CCDC169: variants seen among roughly 807,000 people sequenced by gnomAD.
CCDC169 encodes coiled-coil domain-containing protein 169.
Under a neutral mutation model 36.0 loss-of-function variants are expected in CCDC169, and 30 were observed. That is an observed-to-expected ratio of 0.83 (90% CI 0.62 to 1.13). CCDC169 has a LOEUF of 1.13. Ranked by LOEUF, CCDC169 falls within the 50% of genes most tolerant of loss-of-function variation. The pLI, the probability that CCDC169 is intolerant of heterozygous loss-of-function variation, is 0.00. For missense variants in CCDC169, 245 were observed against 245.9 expected (o/e 1.00, Z 0.03); for synonymous variants, 85 against 81.5 (o/e 1.04, Z -0.23).
intron 6 of CCDC169, 146 bp downstream of exon 6, chr13:36,253,657 G>T: frequency 1.1e-6 from 1 of 940,052 alleles, no homozygotes; most frequent in Non-Finnish European, 1.5e-6. Context: ...TATACAAGTT[G>T]TATATTTTCC....
At chr13:36,257,032 G>A (rs1873972774) in intron 4 of CCDC169, among the ~76,000 whole-genome samples, 1 of 152,196 alleles carries the variant, frequency 6.6e-6, no homozygotes, top group Admixed American at 6.5e-5. Context: ...TGGCCTGTGG[G>A]CCACAGCTGA....
downstream of CCDC169, chr13:36,227,475 T>TACACACACACACAC: frequency 1.8e-6 from 2 of 1,142,810 alleles, no homozygotes; most frequent in Non-Finnish European, 2.3e-6. Context: ...ATTGTATTTT[T>TACACACACACACAC]ACACACACAC....
At chr13:36,226,686 C>T (rs1869894363), downstream of CCDC169, 1 of 155,168 alleles carries the variant, frequency 6.4e-6, no homozygotes, top group Admixed American at 6.5e-5. Context: ...TGCAAATTAA[C>T]ACAGAAGCAG....
chr13:36,253,322 A>G (rs1873403219), intron 6 of CCDC169, among the ~76,000 whole-genome samples: 1 of 149,364 alleles, frequency 6.7e-6, no homozygotes, highest in Non-Finnish European at 1.5e-5. Flanking sequence ...AATTTGGAAA[A>G]CTGTTATGTC....
intron 7 of CCDC169, chr13:36,240,690 A>G: frequency 9.1e-7 from 1 of 1,097,480 alleles, no homozygotes; most frequent in Admixed American, 2.5e-5. Flanking sequence ...GAAAAAAATG[A>G]GGTTTCACAC....
intron 6 of CCDC169, 87 bp from the exon 7 acceptor site, chr13:36,248,769 C>A: frequency 8.1e-7 from 1 of 1,236,970 alleles, no homozygotes; most frequent in African/African-American, 1.5e-5. Context: ...AATTAACTCT[C>A]CCATAACCAG....
intron 4 of CCDC169, among the ~76,000 whole-genome samples, chr13:36,270,070 G>A (rs1196065189): frequency 2.0e-5 from 3 of 152,166 alleles, no homozygotes; most frequent in African/African-American, 7.2e-5. Context: ...AACAAATTGA[G>A]TAAAGTCTCA....
intron 4 of CCDC169, among the ~76,000 whole-genome samples, chr13:36,258,123 G>A (rs373172109): frequency 6.6e-6 from 1 of 152,180 alleles, no homozygotes; most frequent in African/African-American, 2.4e-5. Flanking sequence ...ATGATCTTCA[G>A]TGTTGGTGGT....
intron 1 of CCDC169, 47 bp from the exon 2 acceptor site, chr13:36,295,904 C>G: frequency 8.9e-7 from 1 of 1,122,784 alleles, no homozygotes; most frequent in Non-Finnish European, 1.3e-6. Context: ...TTAAAAATAA[C>G]ATCAGAAAAA....
At chr13:36,292,849 C>T (rs1178407932) in intron 2 of CCDC169, among the ~76,000 whole-genome samples, 1 of 151,986 alleles carries the variant, frequency 6.6e-6, no homozygotes, top group Non-Finnish European at 1.5e-5. Context: ...GCCATCACTA[C>T]AGTGATATCC....
At chr13:36,243,879 T>G (rs534367790) in intron 7 of CCDC169, among the ~76,000 whole-genome samples, 3 of 152,268 alleles carry the variant, frequency 2.0e-5, no homozygotes, top group Non-Finnish European at 4.4e-5. Context: ...CCCTGAGAGA[T>G]CCAACTCCCA....
intron 4 of CCDC169, among the ~76,000 whole-genome samples, chr13:36,259,496 GA>G (rs1212203132): frequency 2.6e-5 from 4 of 152,218 alleles, no homozygotes; most frequent in South Asian, 2.1e-4. Context: ...AGTGGCTCAA[GA>G]GGTCTGAGTA....
intron 4 of CCDC169, among the ~76,000 whole-genome samples, chr13:36,279,902 T>C (rs1337172401): frequency 6.6e-6 from 1 of 152,194 alleles, no homozygotes; most frequent in East Asian, 1.9e-4. Flanking sequence ...CACTTTGCAC[T>C]GAAAGACACA....
At chr13:36,274,867 C>A (rs1348981542) in intron 4 of CCDC169, among the ~76,000 whole-genome samples, 3 of 80,154 alleles carry the variant, frequency 3.7e-5, no homozygotes, top group Admixed American at 1.7e-4. Context: ...CCATTAGCTG[C>A]ATTTTTTTTT....
chr13:36,290,813 G>A (rs899445204), intron 2 of CCDC169, among the ~76,000 whole-genome samples: 11 of 152,020 alleles, frequency 7.2e-5, no homozygotes, highest in East Asian at 1.9e-4. Context: ...GGCCTAAAAC[G>A]TTTAATTGGA....
chr13:36,273,965 T>C (rs1209824538), intron 4 of CCDC169, among the ~76,000 whole-genome samples: 4 of 152,162 alleles, frequency 2.6e-5, no homozygotes, highest in African/African-American at 9.7e-5. Flanking sequence ...CACAAAGTAT[T>C]TTCTCTTCTG....
chr13:36,286,821 A>G (rs2138627880), intron 2 of CCDC169, among the ~76,000 whole-genome samples: 1 of 152,190 alleles, frequency 6.6e-6, no homozygotes, highest in Middle Eastern at 3.4e-3. Context: ...AGAGGAGATA[A>G]ACAAGAGAGG....
chr13:36,269,240 A>C lies in CCDC169; in HGVS notation c.315+14229T>G, dbSNP rs1594056523. 2.0e-5 allele frequency among the ~76,000 whole-genome samples: 3 copies of C among 152,230 alleles called. No homozygotes were observed. The South Asian group carries it at 6.2e-4, about 31-fold the overall frequency. The stretch of plus-strand genomic sequence containing the variant: ...AAATCAGGAAGAAATGGAAACCCTC[A>C]ACAGATCAATAATAAGCAATGAGAT... On this transcript the variant is annotated intron_variant, in intron 4 of 7. Transcript: ENST00000239859.
At position 36,248,606 on chromosome 13, in the gene CCDC169, G is replaced by A. The variant is rs146943613; in HGVS notation, c.545C>T (p.Thr182Ile). Reference sequence around the variant, plus strand: ...AAAGAAAATATATAGCTAGACTTACGTTTTCACTAGATTCTCTTGCATCCT... The same window carrying A: ...AAAGAAAATATATAGCTAGACTTACATTTTCACTAGATTCTCTTGCATCCT... ...LPRMQENLVKTGRYNPAKQKT... is the reference protein window; with the variant it reads ...LPRMQENLVKIGRYNPAKQKT... The change falls in exon 7 of 8, where the codon ACT becomes ATT. Residue 182 changes from threonine (T) to isoleucine (I), a missense_variant and splice_region_variant. Physicochemically the swap from Thr to Ile is moderately conservative, Grantham distance 89. Coordinates refer to ENST00000239859, the MANE Select transcript of CCDC169 (RefSeq NM_001144981.3). 7.7e-4 allele frequency: 1,200 copies of A among 1,548,512 alleles called. 10 individuals carry two copies. The African/African-American group carries it at 0.014, about 17-fold the overall frequency.
Sources: allele counts gnomAD v4.1 joint callset (sites outside exome capture counted in the v4.1 genomes callset), GRCh38; gene constraint gnomAD v4.1.1; transcripts MANE v1.5; gene names NCBI Gene and HGNC (gene_info 2026-07-23, HGNC 2026-07-21).